KIAA1217: variants seen among roughly 807,000 people sequenced by gnomAD.
The protein encoded by KIAA1217 is KIAA1217, also known as sickle tail protein homolog.
Under a neutral mutation model 163.9 loss-of-function variants are expected in KIAA1217, and 88 were observed. The ratio of observed to expected loss-of-function variants is 0.54; its 90% confidence interval spans 0.45 to 0.64. KIAA1217 has a LOEUF of 0.64. Among genes scored for constraint, KIAA1217 ranks in the 30% least tolerant of loss-of-function variants. The pLI, the probability that KIAA1217 is intolerant of heterozygous loss-of-function variation, is 0.00. For missense variants in KIAA1217, 2,372 were observed against 2,475.0 expected (o/e 0.96, Z 0.88); for synonymous variants, 903 against 923.1 (o/e 0.98, Z 0.39).
intron 2 of KIAA1217, among the ~76,000 whole-genome samples, chr10:24,145,432 G>A (rs2131843534): frequency 6.6e-6 from 1 of 152,348 alleles, no homozygotes; most frequent in Admixed American, 6.5e-5. Context: ...AGCTAGTCTG[G>A]CAGTTAATTG....
At chr10:24,505,415 T>C (rs11014121) in intron 9 of KIAA1217, among the ~76,000 whole-genome samples, 11,809 of 151,988 alleles carry the variant, frequency 0.078, 1,036 homozygotes, top group African/African-American at 0.22. Flanking sequence ...ATGATGATTA[T>C]GTTTGCCTGT....
chr10:23,931,544 T>C (rs1217852675), intron 1 of KIAA1217, among the ~76,000 whole-genome samples: 7 of 152,126 alleles, frequency 4.6e-5, no homozygotes, highest in Admixed American at 1.3e-4. Flanking sequence ...AGGAATTATG[T>C]CTAATAATCT....
At chr10:24,125,909 A>G (rs2063457383) in intron 2 of KIAA1217, among the ~76,000 whole-genome samples, 1 of 152,076 alleles carries the variant, frequency 6.6e-6, no homozygotes, top group Admixed American at 6.5e-5. Context: ...AGAATCTGCT[A>G]TTGTCTACTT....
chr10:24,124,008 C>T (rs948389320), intron 2 of KIAA1217, among the ~76,000 whole-genome samples: 3 of 152,070 alleles, frequency 2.0e-5, no homozygotes, highest in Non-Finnish European at 2.9e-5. Flanking sequence ...TTTTTCCTTA[C>T]TTTATTTAGG....
At chr10:23,886,660 G>A (rs1841188690) in intron 1 of KIAA1217, among the ~76,000 whole-genome samples, 1 of 151,966 alleles carries the variant, frequency 6.6e-6, no homozygotes, top group Non-Finnish European at 1.5e-5. Flanking sequence ...TTCAGGTTGA[G>A]GTTGATTTTT....
chr10:24,507,593 A>C (rs1490129882), intron 9 of KIAA1217, among the ~76,000 whole-genome samples: 2 of 152,228 alleles, frequency 1.3e-5, no homozygotes, highest in Admixed American at 6.5e-5. Flanking sequence ...TTCAAACTGA[A>C]GTATAGAGAG....
intron 1 of KIAA1217, among the ~76,000 whole-genome samples, chr10:23,739,415 A>G (rs570436676): frequency 6.6e-6 from 1 of 152,304 alleles, no homozygotes; most frequent in East Asian, 1.9e-4. Flanking sequence ...AGATAAAGAT[A>G]TAGGAAACAG....
intron 1 of KIAA1217, among the ~76,000 whole-genome samples, chr10:23,984,789 A>G (rs544755809): frequency 6.6e-6 from 1 of 152,196 alleles, no homozygotes; most frequent in South Asian, 2.1e-4. Context: ...GAGGGAGAGC[A>G]TTAGGACAAG....
intron 5 of KIAA1217, among the ~76,000 whole-genome samples, chr10:24,452,190 T>C (rs2061422731): frequency 6.6e-6 from 1 of 152,196 alleles, no homozygotes; most frequent in South Asian, 2.1e-4. Context: ...AGGTGATCTC[T>C]GCTTGCATGT....
chr10:24,238,931 A>G (rs1590138779), intron 2 of KIAA1217, among the ~76,000 whole-genome samples: 1 of 152,246 alleles, frequency 6.6e-6, no homozygotes, highest in African/African-American at 2.4e-5. Context: ...AGTTTCTGCC[A>G]ACAGCACAAA....
chr10:23,751,026 T>G (rs1839708268), intron 1 of KIAA1217, among the ~76,000 whole-genome samples: 1 of 150,398 alleles, frequency 6.6e-6, no homozygotes, highest in Admixed American at 6.6e-5. Flanking sequence ...TGTTTGTTTG[T>G]TTTGGTTTTT....
At chr10:23,773,100 A>G (rs974770872) in intron 1 of KIAA1217, among the ~76,000 whole-genome samples, 1 of 152,202 alleles carries the variant, frequency 6.6e-6, no homozygotes, top group Non-Finnish European at 1.5e-5. Context: ...TGAGGAAGAG[A>G]AAAACAGGGA....
chr10:23,919,122 T>C (rs974756929), intron 1 of KIAA1217, among the ~76,000 whole-genome samples: 1 of 152,176 alleles, frequency 6.6e-6, no homozygotes, highest in African/African-American at 2.4e-5. Flanking sequence ...TCTATTGTCA[T>C]TGGTTTGGGT....
chr10:23,784,676 A>G (rs189468693), intron 1 of KIAA1217, among the ~76,000 whole-genome samples: 31 of 152,304 alleles, frequency 2.0e-4, no homozygotes, highest in African/African-American at 7.5e-4. Context: ...TCTTATAGTT[A>G]TAACTGTCTA....
chr10:24,480,594 C>T (rs890269156), intron 6 of KIAA1217, among the ~76,000 whole-genome samples: 7 of 152,188 alleles, frequency 4.6e-5, no homozygotes, highest in African/African-American at 1.7e-4. Context: ...TGCAACAACT[C>T]ATTACAGTTC....
chr10:24,248,631 A>G (rs941606761), intron 2 of KIAA1217, among the ~76,000 whole-genome samples: 3 of 128,216 alleles, frequency 2.3e-5, no homozygotes, highest in Non-Finnish European at 3.1e-5. Context: ...AGATCACTCC[A>G]CTGCCCTCCA....
chr10:24,484,700 T>A (rs1342974734), intron 6 of KIAA1217, among the ~76,000 whole-genome samples: 1 of 152,178 alleles, frequency 6.6e-6, no homozygotes, highest in African/African-American at 2.4e-5. Flanking sequence ...ATTTGGGGAT[T>A]ACAAGTGTGA....
At chr10:24,402,523 C>A (rs55737733) in intron 3 of KIAA1217, among the ~76,000 whole-genome samples, 16,043 of 68,254 alleles carry the variant, frequency 0.24, 1,916 homozygotes, top group African/African-American at 0.34. Flanking sequence ...AAACAAAAAA[C>A]AAAACAAAAA....
In KIAA1217 at chr10:24,026,679, C is replaced by A. The variant is rs561121099; in HGVS notation, c.-171+19305C>A. Among the ~76,000 whole-genome samples the A allele has an allele frequency of 8.2e-5, 12 of 147,224 alleles. No individual in the cohort carries two copies. The South Asian group carries it at 2.6e-3, about 31-fold the overall frequency. On this transcript the variant is annotated intron_variant, in intron 2 of 18. Coordinates refer to the KIAA1217 transcript ENST00000376462. ...TCTTATACATTGTATTGATTCTTGC[C>A]TGGAACTAGATTTTGGTTACATTGA...
Sources: allele counts gnomAD v4.1 joint callset (sites outside exome capture counted in the v4.1 genomes callset), GRCh38; gene constraint gnomAD v4.1.1; transcripts MANE v1.5; gene names NCBI Gene and HGNC (gene_info 2026-07-23, HGNC 2026-07-21).